Variants in ZNF892 observed in about 807,000 individuals in gnomAD.
ZNF892 encodes zinc finger protein 570-like.
the ZNF892 span, among the ~76,000 whole-genome samples, chr2:95,217,431 A>G: frequency 6.6e-6 from 1 of 152,150 alleles, no homozygotes; most frequent in Non-Finnish European, 1.5e-5. Context: ...GCCCTAACTC[A>G]TTCTAGCATT....
chr2:95,255,401 A>C, the ZNF892 span, among the ~76,000 whole-genome samples: 2 of 152,154 alleles, frequency 1.3e-5, no homozygotes, highest in Non-Finnish European at 2.9e-5. Context: ...GAGTGAGTTT[A>C]TTAATCCTGA....
chr2:95,229,894 C>CG, the ZNF892 span, among the ~76,000 whole-genome samples: 1 of 152,190 alleles, frequency 6.6e-6, no homozygotes. Context: ...TACAGCACCT[C>CG]TGTCAGCTAG....
At chr2:95,208,875 A>G in the ZNF892 span, 1 of 395,186 alleles carries the variant, frequency 2.5e-6, no homozygotes, top group Non-Finnish European at 4.5e-6. Flanking sequence ...ATGACCCCAA[A>G]GGAAGTGTTC....
chr2:95,230,204 T>C, the ZNF892 span, among the ~76,000 whole-genome samples: 1 of 152,052 alleles, frequency 6.6e-6, no homozygotes, highest in Non-Finnish European at 1.5e-5. Flanking sequence ...ATAATGGATT[T>C]TGAGGACTCA....
the ZNF892 span, among the ~76,000 whole-genome samples, chr2:95,219,885 C>T: frequency 1.3e-5 from 2 of 152,320 alleles, no homozygotes; most frequent in South Asian, 2.1e-4. Context: ...CCTCTGCTGA[C>T]ACCACACTGG....
At chr2:95,208,286 G>A in the ZNF892 span, among the ~76,000 whole-genome samples, 1 of 152,120 alleles carries the variant, frequency 6.6e-6, no homozygotes, top group Non-Finnish European at 1.5e-5. Context: ...AAAAGTCAGT[G>A]TTCAAAAAGA....
chr2:95,253,535 C>A, the ZNF892 span, among the ~76,000 whole-genome samples: 1 of 152,186 alleles, frequency 6.6e-6, no homozygotes, highest in South Asian at 2.1e-4. Context: ...CCATCTTTGT[C>A]CTTTTGGCTT....
chr2:95,207,765 T>C, the ZNF892 span: 1 of 398,488 alleles, frequency 2.5e-6, no homozygotes, highest in South Asian at 1.3e-4. Context: ...GACCTCCGGC[T>C]CCTTCCCCTG....
the ZNF892 span, among the ~76,000 whole-genome samples, chr2:95,249,411 T>A: frequency 1.8e-4 from 26 of 148,314 alleles, no homozygotes; most frequent in Non-Finnish European, 3.5e-4. Flanking sequence ...TGGCTATTTT[T>A]TTTTTTTTTG....
At chr2:95,258,547 G>GA in the ZNF892 span, among the ~76,000 whole-genome samples, 1 of 152,170 alleles carries the variant, frequency 6.6e-6, no homozygotes, top group Non-Finnish European at 1.5e-5. Flanking sequence ...TGGCTGGAAG[G>GA]TTGTTTACCA....
At chr2:95,209,606 G>C in the ZNF892 span, among the ~76,000 whole-genome samples, 1 of 152,188 alleles carries the variant, frequency 6.6e-6, no homozygotes, top group African/African-American at 2.4e-5. Flanking sequence ...TACAGGTACT[G>C]ATGATCCTTA....
chr2:95,248,939 C>T, the ZNF892 span, among the ~76,000 whole-genome samples: 1 of 151,444 alleles, frequency 6.6e-6, no homozygotes, highest in African/African-American at 2.4e-5. Flanking sequence ...TTTTGCATAC[C>T]TTATTGATTG....
the ZNF892 span, among the ~76,000 whole-genome samples, chr2:95,233,216 T>C: frequency 2.0e-5 from 3 of 151,700 alleles, no homozygotes; most frequent in African/African-American, 7.3e-5. Flanking sequence ...TTTTTTTTTT[T>C]GGAGGCAGAT....
the ZNF892 span, among the ~76,000 whole-genome samples, chr2:95,214,162 C>G: frequency 6.6e-6 from 1 of 152,012 alleles, no homozygotes; most frequent in Non-Finnish European, 1.5e-5. Flanking sequence ...TCTTTTTTTT[C>G]TTGTGTTCTC....
the ZNF892 span, among the ~76,000 whole-genome samples, chr2:95,242,181 CAT>C: frequency 6.6e-6 from 1 of 152,130 alleles, no homozygotes; most frequent in African/African-American, 2.4e-5. Flanking sequence ...AACTCTAAGA[CAT>C]ATAATCATCA....
At chr2:95,260,486 C>G in the ZNF892 span, among the ~76,000 whole-genome samples, 224 of 152,302 alleles carry the variant, frequency 1.5e-3, 1 homozygote, top group African/African-American at 5.3e-3. Flanking sequence ...TTATCAAAGG[C>G]CCAATCTTCA....
At chr2:95,224,954 C>T in the ZNF892 span, among the ~76,000 whole-genome samples, 1 of 152,198 alleles carries the variant, frequency 6.6e-6, no homozygotes, top group Non-Finnish European at 1.5e-5. Flanking sequence ...TGGAATGATG[C>T]AGCAAGAAGG....
chr2:95,248,759 C>T, the ZNF892 span, among the ~76,000 whole-genome samples: 704 of 152,226 alleles, frequency 4.6e-3, 3 homozygotes, highest in Admixed American at 9.2e-3. Context: ...CCTTGCAACA[C>T]AAAATTTCTT....
At chr2:95,208,848 T>G in the ZNF892 span, 2 of 396,166 alleles carry the variant, frequency 5.0e-6, no homozygotes, top group South Asian at 2.7e-4. Context: ...GGGTTCATCC[T>G]GATAAACTGA....
Sources: allele counts gnomAD v4.1 joint callset (sites outside exome capture counted in the v4.1 genomes callset), GRCh38; gene constraint gnomAD v4.1.1; transcripts MANE v1.5; gene names NCBI Gene and HGNC (gene_info 2026-07-23, HGNC 2026-07-21).